Variants in DOCK4 observed in about 807,000 individuals in gnomAD.
The protein encoded by DOCK4 is dedicator of cytokinesis 4.
A neutral mutation model predicts 268.1 loss-of-function variants in DOCK4; 97 were observed. The ratio of observed to expected loss-of-function variants is 0.36; its 90% CI spans 0.31 to 0.43. DOCK4 has a LOEUF of 0.43. Among genes scored for constraint, DOCK4 ranks in the 20% least tolerant of loss-of-function variants. The pLI is 1.00. For missense variants in DOCK4, 2,145 were observed against 2,455.7 expected (o/e 0.87, Z 2.67); for synonymous variants, 954 against 887.2 (o/e 1.08, Z -1.34).
chr7:111,836,104 T>C (rs1803220078), intron 25 of DOCK4, among the ~76,000 whole-genome samples: 1 of 152,066 alleles, frequency 6.6e-6, no homozygotes, highest in South Asian at 2.1e-4. Flanking sequence ...TGTATATGTG[T>C]GTAAGGTAGT....
intron 30 of DOCK4, among the ~76,000 whole-genome samples, chr7:111,796,817 A>C (rs1799927846): frequency 6.6e-6 from 1 of 152,168 alleles, no homozygotes; most frequent in African/African-American, 2.4e-5. Flanking sequence ...GGAATCATAC[A>C]AGGTGGACAA....
intron 30 of DOCK4, 126 bp from the exon 31 acceptor site, chr7:111,790,731 A>C: frequency 1.8e-6 from 2 of 1,136,856 alleles, no homozygotes; most frequent in Non-Finnish European, 2.4e-6. Flanking sequence ...CTCCTCAAGC[A>C]AGAAAATATA....
chr7:111,819,986 G>T (rs1209618578), intron 27 of DOCK4: 1 of 152,186 alleles, frequency 6.6e-6, no homozygotes, highest in African/African-American at 2.4e-5. Context: ...CCTAGTGTAT[G>T]CTCTTTAACG....
intron 25 of DOCK4, chr7:111,840,993 C>T: frequency 4.6e-6 from 2 of 435,602 alleles, no homozygotes; most frequent in Non-Finnish European, 8.6e-6. Context: ...ATACCTGAAG[C>T]ACGTCTGCAA....
chr7:111,890,689 G>A (rs1400173262), intron 16 of DOCK4, among the ~76,000 whole-genome samples: 1 of 152,062 alleles, frequency 6.6e-6, no homozygotes, highest in African/African-American at 2.4e-5. Flanking sequence ...CGGTAAGAAC[G>A]GTTTCTTTAG....
intron 1 of DOCK4, among the ~76,000 whole-genome samples, chr7:112,189,751 T>TTC (rs199827048): frequency 7.4e-6 from 1 of 135,134 alleles, no homozygotes; most frequent in Non-Finnish European, 1.5e-5. Flanking sequence ...GTTTTGTTTT[T>TTC]TTTTTTTTTT....
intron 12 of DOCK4, among the ~76,000 whole-genome samples, chr7:111,918,192 G>A (rs1182127474): frequency 1.3e-5 from 2 of 152,194 alleles, no homozygotes; most frequent in Non-Finnish European, 2.9e-5. Context: ...AAGAAAAGGA[G>A]GACAGGGACA....
chr7:112,038,868 G>A (rs1293426746), intron 1 of DOCK4, among the ~76,000 whole-genome samples: 2 of 152,272 alleles, frequency 1.3e-5, no homozygotes, highest in East Asian at 3.9e-4. Context: ...ATTCCAACTC[G>A]ACAGGAACTC....
At chr7:111,783,281 G>A (rs1223407806) in intron 34 of DOCK4, among the ~76,000 whole-genome samples, 1 of 152,060 alleles carries the variant, frequency 6.6e-6, no homozygotes, top group East Asian at 1.9e-4. Flanking sequence ...AGAAGTGGCT[G>A]GTAAGCCTGG....
chr7:111,746,814 CTTTT>C (rs59197701), intron 43 of DOCK4, among the ~76,000 whole-genome samples: 1,341 of 110,872 alleles, frequency 0.012, 20 homozygotes, highest in Middle Eastern at 0.03. Context: ...TCGGTCTTAT[CTTTT>C]TTTTTTTTTT....
In DOCK4 at chr7:111,927,211, G is replaced by A. The variant is rs949858421; in HGVS notation, c.1066+8329C>T. 3.3e-5 allele frequency among the ~76,000 whole-genome samples: 5 copies of A among 152,264 alleles called. No individual in the cohort carries two copies. In the East Asian group the frequency reaches 7.7e-4, roughly 24 times the overall value. ...CTAATATGCAAAAGGTATGATAAGC[G>A]TGAACAAATAATCTTGTGATTATAA... On this transcript the variant is annotated intron_variant, in intron 12 of 52. Coordinates refer to ENST00000428084, the MANE Select transcript of DOCK4 (RefSeq NM_001363540.2).
In DOCK4 at chr7:112,102,573, A is replaced by C. The variant is rs115724326; in HGVS notation, c.38-98442T>G. Among the ~76,000 whole-genome samples, 490 of 152,276 alleles carry C rather than the reference A, an allele frequency of 3.2e-3. 2 individuals carry two copies. The highest frequency in any genetic ancestry group is 0.011 in the African/African-American group (463 of 41,538). Reference sequence around the variant, plus strand: ...AGGAATGAGATGAATGCTCTTTAAAAACAGACCCCATAAAACTGACCCCAG... The same window carrying C: ...AGGAATGAGATGAATGCTCTTTAAACACAGACCCCATAAAACTGACCCCAG... On this transcript the variant is annotated intron_variant, in intron 1 of 52. Coordinates refer to ENST00000428084, the MANE Select transcript of DOCK4 (RefSeq NM_001363540.2).
chr7:111,933,511 G>A (rs1325730719), intron 12 of DOCK4, among the ~76,000 whole-genome samples: 1 of 151,530 alleles, frequency 6.6e-6, no homozygotes, highest in African/African-American at 2.4e-5. Flanking sequence ...TTGCCAGGAT[G>A]GTCTCAATCT....
intron 1 of DOCK4, among the ~76,000 whole-genome samples, chr7:112,200,623 T>C (rs1820823516): frequency 6.6e-6 from 1 of 151,612 alleles, no homozygotes; most frequent in African/African-American, 2.4e-5. Flanking sequence ...TCAGAAAATG[T>C]TGTCTCCTTT....
intron 12 of DOCK4, among the ~76,000 whole-genome samples, chr7:111,919,514 A>G (rs975741157): frequency 5.3e-5 from 8 of 152,222 alleles, no homozygotes; most frequent in African/African-American, 1.9e-4. Context: ...GATGCATACT[A>G]AAAGTTTGAT....
At chr7:112,175,815 C>T (rs1034089232) in intron 1 of DOCK4, among the ~76,000 whole-genome samples, 2 of 128,336 alleles carry the variant, frequency 1.6e-5, no homozygotes, top group Non-Finnish European at 3.1e-5. Context: ...TGCCCCCATC[C>T]CCTTTTTAAT....
rs796740587 is a variant in DOCK4, at chr7:111,928,589, T to TTC, written c.1066+6950_1066+6951insGA. ...AAATAGCCTGGATTTTCTTTTTCTT[T>TTC]TTTTTTTTTTTTTTTTAAGATGGAG... On this transcript the variant is annotated intron_variant, in intron 12 of 52. Transcript: ENST00000428084. Among the ~76,000 whole-genome samples the TTC allele has an allele frequency of 5.8e-3, 663 of 114,260 alleles. 8 individuals carry two copies. Among genetic ancestry groups the TTC allele is most frequent in the African/African-American group, 0.019 (612 of 31,458 alleles). The allele number at this position is 114,260 out of a possible 152,430, so 75.0% of individuals were successfully genotyped here.
intron 8 of DOCK4, among the ~76,000 whole-genome samples, chr7:111,975,022 T>G (rs2135104268): frequency 6.6e-6 from 1 of 152,236 alleles, no homozygotes; most frequent in Admixed American, 6.5e-5. Flanking sequence ...TCCCCAGCAC[T>G]TTGGGAGGCC....
chr7:112,160,076 A>G (rs1586945788), intron 1 of DOCK4, among the ~76,000 whole-genome samples: 1 of 152,172 alleles, frequency 6.6e-6, no homozygotes, highest in African/African-American at 2.4e-5. Flanking sequence ...AATCAAAACA[A>G]AAATGTGAAA....
Sources: allele counts gnomAD v4.1 joint callset (sites outside exome capture counted in the v4.1 genomes callset), GRCh38; gene constraint gnomAD v4.1.1; transcripts MANE v1.5; gene names NCBI Gene and HGNC (gene_info 2026-07-23, HGNC 2026-07-21).